SLC16A12: variants seen among roughly 807,000 people sequenced by gnomAD.
SLC16A12 encodes the protein solute carrier family 16 member 12.
A neutral mutation model predicts 42.4 loss-of-function variants in SLC16A12; 17 were observed. That is an observed-to-expected ratio of 0.40 (90% confidence interval 0.27 to 0.60). The LOEUF (loss-of-function observed/expected upper bound fraction) is 0.60. Among genes scored for constraint, SLC16A12 ranks in the 20% least tolerant of loss-of-function variants. The pLI is 0.42. For synonymous variants in SLC16A12, 224 were observed against 229.4 expected, an observed-to-expected ratio of 0.98 and a Z score of 0.21; for missense variants, 544 against 623.0, an observed-to-expected ratio of 0.87 and a Z score of 1.35.
chr10:89,490,210 GC>G (rs1842826410), intron 2 of SLC16A12, among the ~76,000 whole-genome samples: 1 of 152,206 alleles, frequency 6.6e-6, no homozygotes. Context: ...ACCTGGACTT[GC>G]AATCAAATCT....
At chr10:89,526,082 G>C (rs56310228) in intron 2 of SLC16A12, among the ~76,000 whole-genome samples, 7,571 of 152,122 alleles carry the variant, frequency 0.05, 442 homozygotes, top group East Asian at 0.32. Context: ...GAAAGGATAA[G>C]CATCCTTGGC....
At chr10:89,524,366 T>C (rs1258067277) in intron 2 of SLC16A12, among the ~76,000 whole-genome samples, 2 of 152,118 alleles carry the variant, frequency 1.3e-5, no homozygotes, top group Admixed American at 1.3e-4. Context: ...ACCCTGATGC[T>C]CTCGCTCCTG....
chr10:89,464,490 C>T (rs1207800449), intron 2 of SLC16A12, among the ~76,000 whole-genome samples: 12 of 152,114 alleles, frequency 7.9e-5, no homozygotes, highest in African/African-American at 2.7e-4. Context: ...GCAAATTACC[C>T]AGTTGCTTTT....
intron 2 of SLC16A12, among the ~76,000 whole-genome samples, chr10:89,515,184 G>C (rs1269972724): frequency 1.3e-5 from 2 of 151,796 alleles, no homozygotes; most frequent in Middle Eastern, 3.2e-3. Flanking sequence ...AATTTCAATG[G>C]ATGATGATTA....
chr10:89,523,388 C>T (rs1245027012), intron 2 of SLC16A12, among the ~76,000 whole-genome samples: 1 of 152,184 alleles, frequency 6.6e-6, no homozygotes, highest in African/African-American at 2.4e-5. Flanking sequence ...GTCCTCCACA[C>T]ACCACTCAGG....
chr10:89,506,066 G>A (rs908116380), intron 2 of SLC16A12, among the ~76,000 whole-genome samples: 1 of 152,194 alleles, frequency 6.6e-6, no homozygotes. Flanking sequence ...AAAAGGCAGC[G>A]GCCCCACTCA....
chr10:89,531,908 CT>C (rs1186671785), intron 2 of SLC16A12, among the ~76,000 whole-genome samples: 1 of 152,214 alleles, frequency 6.6e-6, no homozygotes, highest in Non-Finnish European at 1.5e-5. Context: ...TCTCTTCTTC[CT>C]TTTAATTCCC....
chr10:89,540,748 G>T (rs189273554), intron 2 of SLC16A12, among the ~76,000 whole-genome samples: 1 of 152,198 alleles, frequency 6.6e-6, no homozygotes, highest in Admixed American at 6.5e-5. Flanking sequence ...AGTCTCTGGA[G>T]CTAACATTCT....
chr10:89,486,342 G>A (rs918563903), intron 2 of SLC16A12, among the ~76,000 whole-genome samples: 2 of 151,980 alleles, frequency 1.3e-5, no homozygotes, highest in Non-Finnish European at 2.9e-5. Context: ...AGGAGACTTA[G>A]AATTCATAAA....
intron 2 of SLC16A12, among the ~76,000 whole-genome samples, chr10:89,549,709 T>C (rs1313655088): frequency 6.6e-6 from 1 of 152,226 alleles, no homozygotes. Flanking sequence ...AGTGTGTCTA[T>C]AATTCTTTAG....
At chr10:89,487,856 A>G (rs1003728264) in intron 2 of SLC16A12, among the ~76,000 whole-genome samples, 1 of 148,252 alleles carries the variant, frequency 6.7e-6, no homozygotes, top group Non-Finnish European at 1.5e-5. Context: ...TGTCAAAAAG[A>G]CACCTGCACT....
chr10:89,436,407 G>A, intron 6 of SLC16A12, 88 bp from the exon 7 acceptor site: 3 of 1,505,248 alleles, frequency 2.0e-6, no homozygotes, highest in Non-Finnish European at 2.8e-6. Context: ...AGTAAGCATT[G>A]CAGTTATTTA....
At chr10:89,518,467 G>A (rs1187929985) in intron 2 of SLC16A12, among the ~76,000 whole-genome samples, 1 of 152,186 alleles carries the variant, frequency 6.6e-6, no homozygotes, top group African/African-American at 2.4e-5. Flanking sequence ...CAAGGAAGTT[G>A]GCCTGGAAGC....
At chr10:89,433,929 C>T (rs888820895) in intron 7 of SLC16A12, among the ~76,000 whole-genome samples, 6 of 152,002 alleles carry the variant, frequency 3.9e-5, no homozygotes, top group East Asian at 1.9e-4. Flanking sequence ...TGAGGAAAAC[C>T]GGGCATATGA....
Position 89,553,193 on chromosome 10 carries a change from A to G in SLC16A12, c.-47+2689T>C, listed in dbSNP as rs528165667. Among the ~76,000 whole-genome samples, 3 of 152,376 alleles carry G rather than the reference A, an allele frequency of 2.0e-5. No homozygotes were observed. The South Asian group carries it at 6.2e-4, about 32-fold the overall frequency. ...TCTTTTATTAGATTTGGGAAATAAC[A>G]GAATGTCTGACTTGCTCAGAATTTC... On this transcript the variant is annotated intron_variant, in intron 2 of 2. Coordinates refer to the SLC16A12 transcript ENST00000475682.
intron 2 of SLC16A12, among the ~76,000 whole-genome samples, chr10:89,484,357 C>G (rs547418916): frequency 2.0e-5 from 3 of 152,296 alleles, no homozygotes; most frequent in African/African-American, 7.2e-5. Flanking sequence ...GATACTCCCT[C>G]AGATCCTGCT....
intron 2 of SLC16A12, among the ~76,000 whole-genome samples, chr10:89,503,075 C>G (rs1843011132): frequency 6.6e-6 from 1 of 152,184 alleles, no homozygotes; most frequent in African/African-American, 2.4e-5. Flanking sequence ...TCAAAAGCAG[C>G]CCCAAGTCAC....
At chr10:89,520,919 A>C (rs1176714394) in intron 2 of SLC16A12, among the ~76,000 whole-genome samples, 3 of 152,210 alleles carry the variant, frequency 2.0e-5, no homozygotes, top group Non-Finnish European at 2.9e-5. Context: ...ATAAGCCTCC[A>C]GCCAGTGCCT....
At chr10:89,448,163 C>T (rs1391244340) in intron 3 of SLC16A12, among the ~76,000 whole-genome samples, 3 of 152,096 alleles carry the variant, frequency 2.0e-5, no homozygotes, top group Non-Finnish European at 2.9e-5. Flanking sequence ...GATTCACAGC[C>T]GAATTCTATC....
Sources: allele counts gnomAD v4.1 joint callset (sites outside exome capture counted in the v4.1 genomes callset), GRCh38; gene constraint gnomAD v4.1.1; transcripts MANE v1.5; gene names NCBI Gene and HGNC (gene_info 2026-07-23, HGNC 2026-07-21).